Variants in GPR158 observed in about 807,000 individuals in gnomAD.
GPR158 encodes metabotropic glycine receptor.
Under a neutral mutation model 78.2 loss-of-function variants are expected in GPR158, and 30 were observed. The ratio of observed to expected loss-of-function variants is 0.38; its 90% CI spans 0.29 to 0.52. GPR158 has a LOEUF of 0.52. Among genes scored for constraint, GPR158 ranks in the 20% least tolerant of loss-of-function variants. GPR158 has a pLI of 0.83. For synonymous variants in GPR158, 581 were observed against 591.1 expected, an observed-to-expected ratio of 0.98 and a Z score of 0.25; for missense variants, 1,463 against 1,523.5, an observed-to-expected ratio of 0.96 and a Z score of 0.66.
intron 2 of GPR158, among the ~76,000 whole-genome samples, chr10:25,236,559 A>G (rs1434128185): frequency 6.6e-6 from 1 of 152,166 alleles, no homozygotes; most frequent in Non-Finnish European, 1.5e-5. Context: ...GCAATACCCA[A>G]CCACTTGCCT....
At chr10:25,563,107 C>T (rs953552046) in intron 6 of GPR158, among the ~76,000 whole-genome samples, 4 of 151,880 alleles carry the variant, frequency 2.6e-5, no homozygotes, top group Admixed American at 2.0e-4. Flanking sequence ...TTATTATTTA[C>T]GTAAAATATC....
intron 5 of GPR158, among the ~76,000 whole-genome samples, chr10:25,492,243 G>A (rs1835820678): frequency 6.6e-6 from 1 of 152,130 alleles, no homozygotes; most frequent in Non-Finnish European, 1.5e-5. Flanking sequence ...GGATCCACCT[G>A]CATAACCCAA....
chr10:25,272,351 C>T (rs1031655965), intron 2 of GPR158, among the ~76,000 whole-genome samples: 4 of 152,116 alleles, frequency 2.6e-5, no homozygotes, highest in Non-Finnish European at 4.4e-5. Context: ...TGATATGGTG[C>T]TTTTTCAGAT....
In GPR158 at chr10:25,316,905, G is replaced by A. The variant is rs1009069670; in HGVS notation, c.1009-79006G>A. On this transcript the variant is annotated intron_variant, in intron 2 of 10. Coordinates refer to ENST00000376351, the MANE Select transcript of GPR158 (RefSeq NM_020752.3). ...TATGTATTTGTGTGTGTGTGTGTGT[G>A]TGTGTTTATGTGTGTGTGTATGTGT... Among the ~76,000 whole-genome samples, 749 of 95,170 alleles carry A rather than the reference G, an allele frequency of 7.9e-3. 9 individuals are homozygous for A. Among genetic ancestry groups the A allele is most frequent in the African/African-American group, 0.048 (704 of 14,768 alleles). The allele number at this position is 95,170 out of a possible 152,430, so 62.4% of individuals were successfully genotyped here. A position where few individuals can be genotyped will look rare whatever the true frequency, so the allele number is the denominator to read the frequency against.
chr10:25,542,552 G>A lies in GPR158; in HGVS notation c.1405-8424G>A, dbSNP rs1006380337. 6.6e-5 allele frequency among the ~76,000 whole-genome samples: 10 copies of A among 152,288 alleles called. No homozygotes were observed. In the East Asian group the frequency reaches 1.2e-3, roughly 18 times the overall value. On this transcript the variant is annotated intron_variant, in intron 5 of 10. Transcript: ENST00000376351. Reference sequence around the variant, plus strand: ...AATGTTCTTCTATGGGCCAGGCGCAGTGGCTCATGCCTGTAATCCCAACAC... The same window carrying A: ...AATGTTCTTCTATGGGCCAGGCGCAATGGCTCATGCCTGTAATCCCAACAC...
intron 6 of GPR158, among the ~76,000 whole-genome samples, chr10:25,570,604 G>A (rs1040639820): frequency 3.9e-5 from 6 of 152,122 alleles, no homozygotes; most frequent in African/African-American, 1.4e-4. Context: ...GCATTCAAGA[G>A]AGGTTTCATA....
intron 5 of GPR158, among the ~76,000 whole-genome samples, chr10:25,536,089 C>T (rs115390370): frequency 1.3e-3 from 202 of 152,304 alleles, no homozygotes; most frequent in African/African-American, 4.8e-3. Flanking sequence ...GGGCAATTAA[C>T]ACCAAATTCC....
intron 5 of GPR158, among the ~76,000 whole-genome samples, chr10:25,540,794 G>T (rs963915219): frequency 2.6e-5 from 4 of 151,852 alleles, no homozygotes; most frequent in African/African-American, 9.7e-5. Context: ...GCCTGTCGTG[G>T]GGTGGGGGGA....
intron 1 of GPR158, among the ~76,000 whole-genome samples, chr10:25,197,977 T>C (rs1203562347): frequency 2.0e-5 from 3 of 152,166 alleles, no homozygotes; most frequent in Non-Finnish European, 2.9e-5. Context: ...TAAACATGAT[T>C]ATAGTGAAGG....
chr10:25,179,397 T>C (rs1852585201), intron 1 of GPR158, among the ~76,000 whole-genome samples: 1 of 152,166 alleles, frequency 6.6e-6, no homozygotes, highest in Non-Finnish European at 1.5e-5. Flanking sequence ...AAAAAAACTT[T>C]TAGTTAAGAT....
chr10:25,537,353 T>C (rs1836514188), intron 5 of GPR158, among the ~76,000 whole-genome samples: 2 of 152,220 alleles, frequency 1.3e-5, no homozygotes, highest in South Asian at 4.1e-4. Context: ...ATATACTTCT[T>C]TGACTGTATC....
intron 10 of GPR158, among the ~76,000 whole-genome samples, chr10:25,597,554 T>C (rs1376044504): frequency 6.6e-6 from 1 of 152,104 alleles, no homozygotes. Flanking sequence ...AATACGTGAG[T>C]TCATGTCTTA....
At chr10:25,563,092 TTTGG>T (rs1450937428) in intron 6 of GPR158, among the ~76,000 whole-genome samples, 2 of 152,218 alleles carry the variant, frequency 1.3e-5, no homozygotes, top group Admixed American at 6.5e-5. Context: ...ATATAGCTAC[TTTGG>T]TTATTATTTA....
At chr10:25,482,791 G>A (rs3118971) in intron 5 of GPR158, among the ~76,000 whole-genome samples, 105,545 of 151,912 alleles carry the variant, frequency 0.69, 37,276 homozygotes, top group East Asian at 0.99. Context: ...CAGTTAATTC[G>A]TCTGAAACTT....
At chr10:25,458,628 T>G (rs2130609448) in intron 4 of GPR158, among the ~76,000 whole-genome samples, 1 of 152,310 alleles carries the variant, frequency 6.6e-6, no homozygotes, top group Non-Finnish European at 1.5e-5. Context: ...ATTGCCAATC[T>G]CTGCAACAAT....
At chr10:25,243,102 G>T (rs1176410914) in intron 2 of GPR158, among the ~76,000 whole-genome samples, 3 of 152,204 alleles carry the variant, frequency 2.0e-5, no homozygotes, top group African/African-American at 7.2e-5. Flanking sequence ...GGCCCTTAAG[G>T]CCATCTGCAC....
chr10:25,277,517 A>G (rs1289706203), intron 2 of GPR158, among the ~76,000 whole-genome samples: 1 of 152,038 alleles, frequency 6.6e-6, no homozygotes, highest in East Asian at 1.9e-4. Flanking sequence ...CAAACAAACA[A>G]ACGAACAAGA....
At chr10:25,478,180 T>C (rs1324732561) in intron 5 of GPR158, among the ~76,000 whole-genome samples, 4 of 152,068 alleles carry the variant, frequency 2.6e-5, no homozygotes. Context: ...GTTGAAAGAG[T>C]TTTAATAAAC....
intron 2 of GPR158, among the ~76,000 whole-genome samples, chr10:25,241,311 T>C (rs12771789): frequency 0.02 from 2,085 of 104,060 alleles, 144 homozygotes; most frequent in East Asian, 0.051. Flanking sequence ...TTTCTTTTCT[T>C]TTCTCTTCTC....
Sources: gnomAD v4.1 joint callset for allele counts (sites outside exome capture counted in the v4.1 genomes callset) on GRCh38, gnomAD v4.1.1 for gene constraint, MANE v1.5 for transcripts, NCBI Gene and HGNC (gene_info 2026-07-23, HGNC 2026-07-21) for gene names.